Variants in FAR1 observed in about 807,000 individuals in gnomAD.
FAR1 encodes the protein fatty acyl-CoA reductase 1.
Under a neutral mutation model 61.1 loss-of-function variants are expected in FAR1, and 22 were observed. The observed-to-expected ratio is 0.36, with a 90% CI of 0.26 to 0.51. The LOEUF (loss-of-function observed/expected upper bound fraction) is 0.51. FAR1 is among the 20% of genes least tolerant of loss of function. The pLI, the probability that FAR1 is intolerant of heterozygous loss-of-function variation, is 0.95. For missense variants in FAR1, 359 were observed against 626.9 expected (o/e 0.57, Z 4.56); for synonymous variants, 206 against 209.7 (o/e 0.98, Z 0.15).
At chr11:13,690,032 C>T (rs528261799) in intron 1 of FAR1, among the ~76,000 whole-genome samples, 4 of 152,118 alleles carry the variant, frequency 2.6e-5, no homozygotes, top group African/African-American at 7.2e-5. Flanking sequence ...TGTGCCACCA[C>T]GCCCGACTAA....
At chr11:13,674,047 C>T (rs58725783) in intron 1 of FAR1, among the ~76,000 whole-genome samples, 13,672 of 152,196 alleles carry the variant, frequency 0.09, 707 homozygotes, top group Middle Eastern at 0.14. Flanking sequence ...TGCGGTGGCT[C>T]ACGCCTGTAA....
intron 7 of FAR1, 134 bp from the exon 8 acceptor site, chr11:13,712,832 T>C (rs1848514927): frequency 1.9e-6 from 1 of 539,950 alleles, no homozygotes; most frequent in Non-Finnish European, 3.2e-6. Context: ...ACTAATCCTT[T>C]AAGGATAATT....
chr11:13,715,798 C>T (rs762887615), intron 9 of FAR1: 2 of 152,018 alleles, frequency 1.3e-5, no homozygotes, highest in African/African-American at 4.8e-5. Flanking sequence ...ATTGGCATTA[C>T]AGTGGAGTCG....
At chr11:13,702,720 T>G (rs781718634) in intron 3 of FAR1, among the ~76,000 whole-genome samples, 1 of 152,218 alleles carries the variant, frequency 6.6e-6, no homozygotes, top group African/African-American at 2.4e-5. Context: ...CATACGTAGA[T>G]ATTGGCTAAT....
At chr11:13,696,556 C>A (rs1388629246) in intron 2 of FAR1, among the ~76,000 whole-genome samples, 1 of 152,062 alleles carries the variant, frequency 6.6e-6, no homozygotes, top group Non-Finnish European at 1.5e-5. Context: ...CTACTTAGAG[C>A]CTGAGGTTTC....
Position 13,711,748 on chromosome 11 carries a change from A to C in FAR1, c.724-16A>C, listed in dbSNP as rs1161502987. The C allele has an allele frequency of 6.3e-7, 1 of 1,579,144 alleles. No homozygotes were observed. Among genetic ancestry groups the C allele is most frequent in the African/African-American group, 1.4e-5 (1 of 73,294 alleles). The stretch of plus-strand genomic sequence containing the variant: ...TGTTTCTAAGCTTCTCTCCCTTTTA[A>C]AATTTTTGGTATTAGGGATGGATTG... On this transcript the variant is annotated splice_polypyrimidine_tract_variant and intron_variant, in intron 5 of 11. Coordinates refer to ENST00000354817, the MANE Select transcript of FAR1 (RefSeq NM_032228.6).
intron 1 of FAR1, among the ~76,000 whole-genome samples, chr11:13,680,852 CTT>C (rs1322701544): frequency 6.6e-6 from 1 of 152,150 alleles, no homozygotes; most frequent in Non-Finnish European, 1.5e-5. Context: ...CCATAGCAGT[CTT>C]AATCAAAACA....
chr11:13,721,947 C>G lies in FAR1; in HGVS notation c.1257+88C>G. ...GCAACCTGAGAAATATTTTCCACAG[C>G]TATTATGCAACAAGTAAGCCATTAT... On this transcript the variant is annotated intron_variant, in intron 10 of 11. Coordinates refer to ENST00000354817, the MANE Select transcript of FAR1 (RefSeq NM_032228.6). This position sits in a 1 kb window ranked among gnomAD's most constrained non-coding sequence, Gnocchi z 4.2. 1 of 1,074,794 alleles carries G rather than the reference C, an allele frequency of 9.3e-7. No homozygotes were observed. The highest frequency in any genetic ancestry group is 1.3e-6 in the Non-Finnish European group (1 of 759,330). 66.6% of individuals were successfully genotyped at this position (1,074,794 alleles called of 1,614,324 possible). A position where few individuals can be genotyped will look rare whatever the true frequency, so the allele number is the denominator to read the frequency against.
Position 13,711,952 on chromosome 11 carries a change from A to C in FAR1, c.793A>C (p.Ile265Leu). Residue 265 changes from isoleucine to leucine, a missense_variant, in exon 7 of 12, where the codon ATA (isoleucine) becomes CTA (leucine). Around this residue, in one of 2 missense-constraint regions of FAR1, gnomAD observed 344 missense variants for 570.3 expected, o/e 0.60. Transcript: ENST00000354817. Reference protein sequence around the residue: ...IAAGKGILRTIRASNNALADL... With the variant: ...IAAGKGILRTLRASNNALADL... ...GGCAGGGAAAGGAATTCTTCGAACA[A>C]TACGTGCCTCCAACAATGCCCTTGC... The C allele has an allele frequency of 6.2e-7, 1 of 1,613,440 alleles. No individual in the cohort carries two copies.
intron 1 of FAR1, among the ~76,000 whole-genome samples, chr11:13,694,492 T>C (rs1238901483): frequency 1.3e-5 from 2 of 152,202 alleles, no homozygotes; most frequent in Admixed American, 1.3e-4. Context: ...TAGTACAAAT[T>C]GTACCAAAGA....
chr11:13,709,143 G>A (rs1848471473), intron 4 of FAR1, among the ~76,000 whole-genome samples: 1 of 151,518 alleles, frequency 6.6e-6, no homozygotes, highest in Non-Finnish European at 1.5e-5. Context: ...TTTCTTTCCA[G>A]AGATTCTATC....
chr11:13,698,865 A>G (rs1157625424), intron 2 of FAR1, among the ~76,000 whole-genome samples: 2 of 152,052 alleles, frequency 1.3e-5, no homozygotes, highest in African/African-American at 2.4e-5. Context: ...GTAGTTCACC[A>G]TGACTCCCAG....
At chr11:13,703,001 A>G (rs1408647188) in intron 3 of FAR1, among the ~76,000 whole-genome samples, 1 of 152,198 alleles carries the variant, frequency 6.6e-6, no homozygotes, top group Non-Finnish European at 1.5e-5. Flanking sequence ...TCCTTTGTCA[A>G]AGCATCTATG....
At chr11:13,684,673 A>T (rs1848167419) in intron 1 of FAR1, among the ~76,000 whole-genome samples, 1 of 152,152 alleles carries the variant, frequency 6.6e-6, no homozygotes, top group Admixed American at 6.5e-5. Context: ...TGTTTCTATA[A>T]AGGGCCTACC....
At chr11:13,699,507 T>G (rs1848346409) in intron 2 of FAR1, among the ~76,000 whole-genome samples, 1 of 152,194 alleles carries the variant, frequency 6.6e-6, no homozygotes, top group African/African-American at 2.4e-5. Context: ...CTTCTTAGGT[T>G]AAGAATCCTG....
At chr11:13,698,170 C>A (rs975274141) in intron 2 of FAR1, among the ~76,000 whole-genome samples, 3 of 152,138 alleles carry the variant, frequency 2.0e-5, no homozygotes, top group African/African-American at 7.2e-5. Context: ...ATTCAGAAGA[C>A]TGAATTTGTA....
chr11:13,691,912 A>C (rs1565342719), intron 1 of FAR1, among the ~76,000 whole-genome samples: 2 of 152,200 alleles, frequency 1.3e-5, no homozygotes. Flanking sequence ...TCATGCCAGT[A>C]ATCCTAGCAC....
chr11:13,713,143 A>G (rs1848518085), intron 8 of FAR1, 110 bp downstream of exon 8: 2 of 894,466 alleles, frequency 2.2e-6, no homozygotes, highest in Admixed American at 1.7e-5. Context: ...TGAGTTACCA[A>G]TTTGTTCTTA....
chr11:13,698,169 A>G (rs1412480928), intron 2 of FAR1, among the ~76,000 whole-genome samples: 2 of 152,102 alleles, frequency 1.3e-5, no homozygotes, highest in Non-Finnish European at 2.9e-5. Context: ...CATTCAGAAG[A>G]CTGAATTTGT....
Sources: gnomAD v4.1 joint callset for allele counts (sites outside exome capture counted in the v4.1 genomes callset) on GRCh38, gnomAD v4.1.1 for gene constraint, gnomAD v4.1.1 regional missense constraint, Gnocchi (gnomAD v3.1) non-coding constraint, MANE v1.5 for transcripts, NCBI Gene and HGNC (gene_info 2026-07-23, HGNC 2026-07-21) for gene names.